BRF2: variants seen among roughly 807,000 people sequenced by gnomAD.
The protein encoded by BRF2 is BRF2 general transcription factor IIIB subunit, also known as transcription factor IIIB 50 kDa subunit.
A neutral mutation model predicts 26.6 loss-of-function variants in BRF2; 17 were observed. The ratio of observed to expected loss-of-function variants is 0.64; its 90% CI spans 0.44 to 0.96. The LOEUF is 0.96. BRF2 is among the 40% of genes least tolerant of loss of function. The pLI, the probability that BRF2 is intolerant of heterozygous loss-of-function variation, is 0.00. For missense variants in BRF2, 515 were observed against 537.0 expected (o/e 0.96, Z 0.40); for synonymous variants, 219 against 226.6 (o/e 0.97, Z 0.30).
Position 37,845,693 on chromosome 8 carries a change from T to A in BRF2, c.537-480A>T, listed in dbSNP as rs778064701. The A allele has an allele frequency of 1.1e-5, 8 of 700,716 alleles. No homozygotes were observed. In the South Asian group the frequency reaches 1.2e-4, roughly 10 times the overall value. 43.4% of individuals were successfully genotyped at this position (700,716 alleles called of 1,614,324 possible). On this transcript the variant is annotated intron_variant, in intron 3 of 3. Transcript: ENST00000220659. Reference sequence around the variant, plus strand: ...TGCTCACGCCTGTAATACCTGCATTTTGGGAGGATCAGGTGGGCAGATCGC... The same window carrying A: ...TGCTCACGCCTGTAATACCTGCATTATGGGAGGATCAGGTGGGCAGATCGC...
chr8:37,847,331 G>A (rs755509679), intron 2 of BRF2, 156 bp from the exon 3 acceptor site: 24 of 715,662 alleles, frequency 3.4e-5, no homozygotes, highest in Non-Finnish European at 1.5e-5. Flanking sequence ...GTGACACTTG[G>A]TATAGTCATT....
In BRF2 at chr8:37,844,879, G is replaced by C. The variant is rs780832243; in HGVS notation, c.871C>G (p.Arg291Gly). The change falls in exon 4 of 4, where the codon CGG becomes GGG. Residue 291 changes from arginine (R) to glycine (G), a missense_variant. By Grantham distance (125) the Arg-to-Gly change is moderately radical. Coordinates refer to ENST00000220659, the MANE Select transcript of BRF2 (RefSeq NM_018310.4). Reference sequence around the variant, plus strand: ...TCACCGATGTGCTTCACCACAGACCGTTTGTCAAGTCTCAGAACTCGTAAC... The same window carrying C: ...TCACCGATGTGCTTCACCACAGACCCTTTGTCAAGTCTCAGAACTCGTAAC... ...AWLRVLRLDK[R>G]SVVKHIGDLL... 1 of 1,614,190 alleles carries C rather than the reference G, an allele frequency of 6.2e-7. No individual in the cohort carries two copies.
rs921899391 is a variant in BRF2, at chr8:37,845,648, G to A, written c.537-435C>T. 22 of 692,110 alleles carry A rather than the reference G, an allele frequency of 3.2e-5. 1 individual carries two copies. In the Admixed American group the frequency reaches 3.4e-4, roughly 11 times the overall value. 42.9% of individuals were successfully genotyped at this position (692,110 alleles called of 1,614,324 possible). On this transcript the variant is annotated intron_variant, in intron 3 of 3. Coordinates refer to ENST00000220659, the MANE Select transcript of BRF2 (RefSeq NM_018310.4). ...AGAAAAGAACATAGCTACTTCAAAT[G>A]AGAAAAGAGCCAGGCGCAGTGCTCA...
At position 37,845,204 on chromosome 8, in the gene BRF2, C is replaced by T. The variant is rs1388077151; in HGVS notation, c.546G>A (p.Leu182=). ...CTGGCACAGAAGGTGAAGCTTGGAA[C>T]AGTTTGAAGCTGAAATAACCAAAAT... ...LVKTYCSSFK[L]FQASPSVPAK... The change falls in exon 4 of 4, where the codon CTG becomes CTA. Residue 182 remains leucine (L), a synonymous_variant. Transcript: ENST00000220659. 1.2e-6 allele frequency: 2 copies of T among 1,607,568 alleles called. No homozygotes were observed. The highest frequency in any genetic ancestry group is 2.2e-5 in the East Asian group (1 of 44,738).
rs768858713 is a variant in BRF2, at chr8:37,845,095, C to T, written c.655G>A (p.Gly219Arg). 62 of 1,613,706 alleles carry T rather than the reference C, an allele frequency of 3.8e-5. No homozygotes were observed. Among genetic ancestry groups the T allele is most frequent in the Non-Finnish European group, 5.0e-5 (59 of 1,180,048 alleles). The change falls in exon 4 of 4, where the codon GGG becomes AGG. Residue 219 changes from glycine to arginine, a missense_variant. Physicochemically the swap from Gly to Arg is moderately radical, Grantham distance 125. Coordinates refer to ENST00000220659, the MANE Select transcript of BRF2 (RefSeq NM_018310.4). ...GTGATGACGGGCAAGGGATGCCTCCCGGTCACCAGCCACGTCTCATTTGCC... is the reference window on the plus strand; with the variant it reads ...GTGATGACGGGCAAGGGATGCCTCCTGGTCACCAGCCACGTCTCATTTGCC... Reference protein sequence around the residue: ...ELANETWLVTGRHPLPVITAA... With the variant: ...ELANETWLVTRRHPLPVITAA...
rs1805877976 is a variant in BRF2, at chr8:37,843,499, TCTTTTCCCCAACCTAAAACCAACCACCA to T, written c.*963_*990del. On this transcript the variant is annotated 3_prime_UTR_variant, in exon 4 of 4. Coordinates refer to ENST00000220659, the MANE Select transcript of BRF2 (RefSeq NM_018310.4). Reference sequence around the variant, plus strand: ...TACTCCTTTTAAACACCAGCACCCGTCTTTTCCCCAACCTAAAACCAACCACCAGCATTTCACTACAGGACCAAATGGA... The same window carrying T: ...TACTCCTTTTAAACACCAGCACCCGTGCATTTCACTACAGGACCAAATGGA... 1 of 152,348 alleles carries T rather than the reference TCTTTTCCCCAACCTAAAACCAACCACCA, an allele frequency of 6.6e-6. No homozygotes were observed. Among genetic ancestry groups the T allele is most frequent in the South Asian group, 2.1e-4 (1 of 4,822 alleles). The allele number at this position is 152,348 out of a possible 1,614,324, so 9.4% of individuals were successfully genotyped here.
Position 37,844,923 on chromosome 8 carries a change from A to T in BRF2, c.827T>A (p.Met276Lys), listed in dbSNP as rs1345773717. Residue 276 changes from methionine (M) to lysine (K), a missense_variant, in exon 4 of 4, where the codon ATG becomes AAG. Met to Lys is a moderately conservative substitution (Grantham distance 95). Coordinates refer to ENST00000220659, the MANE Select transcript of BRF2 (RefSeq NM_018310.4). ...TCGTAACCAGGCCAGCTGCTCAGCC[A>T]TCCGCAGCAGCACAGCCAGCAGCTC... ...LQELLAVLLR[M>K]AEQLAWLRVL... The T allele has an allele frequency of 6.2e-7, 1 of 1,614,192 alleles. No individual in the cohort carries two copies. The highest frequency in any genetic ancestry group is 2.2e-5 in the East Asian group (1 of 44,888).
Position 37,845,045 on chromosome 8 carries a change from C to A in BRF2, c.705G>T (p.Gln235His), listed in dbSNP as rs1389939903. ...VITAATFLAW[Q>H]SLQPADRLSC... ...AAAGCCGATCTGCAGGCTGCAGCGA[C>A]TGCCAAGCCAGGAAAGTCGCAGCAG... is the stretch of plus-strand genomic sequence containing the variant. Residue 235 changes from glutamine to histidine, a missense_variant, in exon 4 of 4, where the codon CAG becomes CAT. Gln to His is a conservative substitution (Grantham distance 24). Transcript: ENST00000220659. 1 of 1,613,910 alleles carries A rather than the reference C, an allele frequency of 6.2e-7. No homozygotes were observed. The highest frequency in any genetic ancestry group is 8.5e-7 in the Non-Finnish European group (1 of 1,180,028).
At chr8:37,845,412 G>A (rs1422687678) in intron 3 of BRF2, among the ~76,000 whole-genome samples, 199 bp from the exon 4 acceptor site, 1 of 151,768 alleles carries the variant, frequency 6.6e-6, no homozygotes, top group Non-Finnish European at 1.5e-5. Flanking sequence ...GGATGGAGGA[G>A]AGCACGAACA....
At chr8:37,849,585 G>A (rs1360256491) in intron 1 of BRF2, 45 bp downstream of exon 1, 3 of 1,527,536 alleles carry the variant, frequency 2.0e-6, no homozygotes, top group African/African-American at 1.4e-5. Context: ...GGAATCTGAT[G>A]TTAATCCCTC....
Position 37,844,756 on chromosome 8 carries a change from CCT to C in BRF2, c.992_993del (p.Gln331ArgfsTer10), listed in dbSNP as rs755039771. The C allele has an allele frequency of 4.4e-5, 71 of 1,613,954 alleles. No individual in the cohort carries two copies. The highest frequency in any genetic ancestry group is 3.1e-4 in the South Asian group (28 of 91,086). ...TREKEPPGWGQGQGEGEVGNN... is the reference protein window; with the variant it reads ...TREKEPPGWGXGQGEGEVGNN... ...TTTCCCACCTCCCCTTCTCCTTGCC[CCT>C]GTCCCCACCCCGGTGGCTCCTTCTC... On this transcript the variant is annotated frameshift_variant, in exon 4 of 4. Transcript: ENST00000220659. LOFTEE classifies it low-confidence loss of function (END_TRUNC).
chr8:37,843,275 A>G lies in BRF2; in HGVS notation c.*1215T>C, dbSNP rs528866146. ...GACCCATCTCCCTAGTCTCAGCCTT[A>G]CAACACCACGGGACTAAGGAAGAGC... is the stretch of plus-strand genomic sequence containing the variant. On this transcript the variant is annotated 3_prime_UTR_variant, in exon 4 of 4. Coordinates refer to ENST00000220659, the MANE Select transcript of BRF2 (RefSeq NM_018310.4). 2.0e-5 allele frequency: 3 copies of G among 152,348 alleles called. No homozygotes were observed. 9.4% of individuals were successfully genotyped at this position (152,348 alleles called of 1,614,324 possible).
rs1333777831 is a variant in BRF2 at position 37,843,733 on chromosome 8, A to G, written c.*757T>C. 6.6e-6 allele frequency: 1 copy of G among 152,476 alleles called. No individual in the cohort carries two copies. Among genetic ancestry groups the G allele is most frequent in the Admixed American group, 6.5e-5 (1 of 15,272 alleles). The allele number at this position is 152,476 out of a possible 1,614,324, so 9.4% of individuals were successfully genotyped here. On this transcript the variant is annotated 3_prime_UTR_variant, in exon 4 of 4. Transcript: ENST00000220659. ...TGTTATTTATGCTTGCTGCACAGAC[A>G]TATTAGAAGAAAAAAAAAAGCTTTG...
chr8:37,846,751 G>A, intron 3 of BRF2, 103 bp downstream of exon 3: 1 of 837,080 alleles, frequency 1.2e-6, no homozygotes, highest in Non-Finnish European at 1.9e-6. Flanking sequence ...TGGGTGATAA[G>A]AGCAAGACTC....
At position 37,845,209 on chromosome 8, in the gene BRF2, T is replaced by C; in HGVS notation, c.541A>G (p.Lys181Glu). The C allele has an allele frequency of 3.7e-6, 6 of 1,607,528 alleles. No homozygotes were observed. The highest frequency in any genetic ancestry group is 5.1e-6 in the Non-Finnish European group (6 of 1,175,188). ...ELVKTYCSSF[K>E]LFQASPSVPA... The stretch of plus-strand genomic sequence containing the variant: ...ACAGAAGGTGAAGCTTGGAACAGTT[T>C]GAAGCTGAAATAACCAAAATGAGGG... Residue 181 changes from lysine (K) to glutamate (E), a missense_variant, in exon 4 of 4, where the codon AAA becomes GAA. Physicochemically the swap from Lys to Glu is moderately conservative, Grantham distance 56 (BLOSUM62 1). Transcript: ENST00000220659.
chr8:37,849,581 T>G (rs1452477183), intron 1 of BRF2, 49 bp downstream of exon 1: 12 of 1,493,510 alleles, frequency 8.0e-6, no homozygotes, highest in African/African-American at 6.9e-5. Context: ...AAAAGGAATC[T>G]GATGTTAATC....
chr8:37,846,112 G>A (rs1805951598), intron 3 of BRF2, among the ~76,000 whole-genome samples: 1 of 152,200 alleles, frequency 6.6e-6, no homozygotes, highest in Non-Finnish European at 1.5e-5. Flanking sequence ...ACTTTGGGAG[G>A]CTGAGGTGGG....
intron 3 of BRF2, 122 bp from the exon 4 acceptor site, chr8:37,845,335 G>T: frequency 1.3e-6 from 1 of 769,896 alleles, no homozygotes; most frequent in Non-Finnish European, 2.2e-6. Flanking sequence ...CAAGCTCACT[G>T]GGCAGCAAGT....
rs888756078 is a variant in BRF2, at chr8:37,843,684, A to C, written c.*806T>G. On this transcript the variant is annotated 3_prime_UTR_variant, in exon 4 of 4. Coordinates refer to ENST00000220659, the MANE Select transcript of BRF2 (RefSeq NM_018310.4). ...AGGACACAGGGGAGGGGGAAAACCC[A>C]CACACACTCCTTGGAATGGGTCCTG... 1 of 152,450 alleles carries C rather than the reference A, an allele frequency of 6.6e-6. No individual in the cohort carries two copies. The highest frequency in any genetic ancestry group is 1.5e-5 in the Non-Finnish European group (1 of 68,042). The allele number at this position is 152,450 out of a possible 1,614,324, so 9.4% of individuals were successfully genotyped here.
Sources: gnomAD v4.1 joint callset for allele counts (sites outside exome capture counted in the v4.1 genomes callset) on GRCh38, gnomAD v4.1.1 for gene constraint, MANE v1.5 for transcripts, NCBI Gene and HGNC (gene_info 2026-07-23, HGNC 2026-07-21) for gene names.